Variants in CADPS2 observed in about 807,000 individuals in gnomAD.
CADPS2 encodes calcium-dependent secretion activator 2.
A neutral mutation model predicts 172.5 loss-of-function variants in CADPS2; 93 were observed. That is an observed-to-expected ratio of 0.54 (90% CI 0.46 to 0.64). CADPS2 has a LOEUF of 0.64. CADPS2 is among the 30% of genes least tolerant of loss of function. The pLI is 0.00. For missense variants in CADPS2, 1,420 were observed against 1,565.9 expected, an observed-to-expected ratio of 0.91 and a Z score of 1.57; for synonymous variants, 546 against 555.2, an observed-to-expected ratio of 0.98 and a Z score of 0.23.
At chr7:122,326,483 G>A (rs1024483762) in intron 28 of CADPS2, among the ~76,000 whole-genome samples, 4 of 152,064 alleles carry the variant, frequency 2.6e-5, no homozygotes, top group African/African-American at 9.7e-5. Flanking sequence ...GCTAGGTTTA[G>A]ATAACACTCT....
intron 27 of CADPS2, among the ~76,000 whole-genome samples, chr7:122,350,532 A>C (rs1303766165): frequency 6.6e-6 from 1 of 152,244 alleles, no homozygotes; most frequent in African/African-American, 2.4e-5. Context: ...ATTCATGATT[A>C]TGTTGTAAAA....
At chr7:122,570,877 C>G (rs548063179) in intron 7 of CADPS2, among the ~76,000 whole-genome samples, 1 of 152,084 alleles carries the variant, frequency 6.6e-6, no homozygotes, top group East Asian at 1.9e-4. Context: ...ACTCTGGAGA[C>G]TGTTGTGAGG....
intron 7 of CADPS2, among the ~76,000 whole-genome samples, chr7:122,574,445 T>TAAAAA (rs869077766): frequency 0.044 from 1,657 of 37,932 alleles, 224 homozygotes; most frequent in Non-Finnish European, 0.056. Flanking sequence ...GACCCTGTCT[T>TAAAAA]AAAAAAAAAA....
intron 7 of CADPS2, among the ~76,000 whole-genome samples, chr7:122,558,942 G>T (rs1177924494): frequency 6.6e-6 from 1 of 152,096 alleles, no homozygotes; most frequent in Non-Finnish European, 1.5e-5. Flanking sequence ...GGGGAGACAA[G>T]CTAGAAAAAC....
chr7:122,374,854 C>T (rs935824090), intron 25 of CADPS2, among the ~76,000 whole-genome samples: 3 of 152,076 alleles, frequency 2.0e-5, no homozygotes, highest in Non-Finnish European at 2.9e-5. Context: ...ACATGTATCC[C>T]AGAACTTAAA....
intron 2 of CADPS2, among the ~76,000 whole-genome samples, chr7:122,697,469 A>C (rs1335976263): frequency 6.6e-6 from 1 of 152,186 alleles, no homozygotes; most frequent in African/African-American, 2.4e-5. Context: ...AATAGAACCC[A>C]ATATATGTAC....
In CADPS2 at chr7:122,449,988, A is replaced by G. The variant is rs185932003; in HGVS notation, c.2288+1386T>C. ...GGGGAATAGATTTATAGTATATACTATGAGATTTTCTCCTTTCAATATCAT... is the reference window on the plus strand; with the variant it reads ...GGGGAATAGATTTATAGTATATACTGTGAGATTTTCTCCTTTCAATATCAT... On this transcript the variant is annotated intron_variant, in intron 15 of 29. Coordinates refer to ENST00000449022, the MANE Select transcript of CADPS2 (RefSeq NM_017954.11). Among the ~76,000 whole-genome samples the G allele has an allele frequency of 2.1e-3, 327 of 152,312 alleles. 1 individual carries two copies. The highest frequency in any genetic ancestry group is 2.9e-3 in the Non-Finnish European group (196 of 68,020).
chr7:122,579,342 A>T (rs1039518511), intron 7 of CADPS2, among the ~76,000 whole-genome samples: 13 of 151,540 alleles, frequency 8.6e-5, no homozygotes, highest in Non-Finnish European at 1.6e-4. Context: ...TGCTCAAAAC[A>T]TCAATAGTGC....
intron 27 of CADPS2, among the ~76,000 whole-genome samples, chr7:122,350,926 C>T (rs1490413954): frequency 6.6e-6 from 1 of 151,794 alleles, no homozygotes; most frequent in Non-Finnish European, 1.5e-5. Flanking sequence ...ACACTACTGC[C>T]CTCTAGCCTG....
At chr7:122,512,284 A>G (rs2060059101) in intron 9 of CADPS2, among the ~76,000 whole-genome samples, 1 of 152,072 alleles carries the variant, frequency 6.6e-6, no homozygotes, top group South Asian at 2.1e-4. Flanking sequence ...GCATTTTACT[A>G]TGTCATTCTG....
chr7:122,829,694 A>G (rs967714304), intron 1 of CADPS2, among the ~76,000 whole-genome samples: 2 of 152,172 alleles, frequency 1.3e-5, no homozygotes, highest in African/African-American at 4.8e-5. Flanking sequence ...GTGTTTTAGA[A>G]CCACTGTAAA....
At chr7:122,863,661 T>C (rs1400297570) in intron 1 of CADPS2, among the ~76,000 whole-genome samples, 1 of 152,246 alleles carries the variant, frequency 6.6e-6, no homozygotes, top group Non-Finnish European at 1.5e-5. Flanking sequence ...TATATGTAGC[T>C]GTGCAGACAA....
intron 1 of CADPS2, among the ~76,000 whole-genome samples, chr7:122,808,077 T>C (rs926557413): frequency 2.0e-5 from 3 of 152,204 alleles, no homozygotes; most frequent in Non-Finnish European, 2.9e-5. Flanking sequence ...TCTACTTCAA[T>C]ACAACTAATA....
intron 27 of CADPS2, among the ~76,000 whole-genome samples, chr7:122,360,474 G>A (rs1371347054): frequency 2.0e-5 from 3 of 152,126 alleles, no homozygotes; most frequent in African/African-American, 7.2e-5. Context: ...GGGAGGAAAA[G>A]CGAGCAGTTT....
At chr7:122,730,872 A>T (rs1377681569) in intron 2 of CADPS2, among the ~76,000 whole-genome samples, 5 of 151,740 alleles carry the variant, frequency 3.3e-5, no homozygotes, top group African/African-American at 1.2e-4. Context: ...ATAATATCAC[A>T]GTAGAAAATT....
At chr7:122,618,724 G>C (rs562313763) in intron 5 of CADPS2, among the ~76,000 whole-genome samples, 9 of 152,286 alleles carry the variant, frequency 5.9e-5, no homozygotes, top group South Asian at 4.1e-4. Flanking sequence ...GAGGAGCAAG[G>C]CTTGCTGAAA....
At position 122,448,004 on chromosome 7, in the gene CADPS2, T is replaced by C. The variant is rs183330219; in HGVS notation, c.2288+3370A>G. Among the ~76,000 whole-genome samples, 6 of 152,264 alleles carry C rather than the reference T, an allele frequency of 3.9e-5. No homozygotes were observed. The East Asian group carries it at 1.2e-3, about 29-fold the overall frequency. ...CTGTTAATAGAAACTATTGCTGGTATAGAATTCTAGGTTGGAAATGATAGT... is the reference window on the plus strand; with the variant it reads ...CTGTTAATAGAAACTATTGCTGGTACAGAATTCTAGGTTGGAAATGATAGT... On this transcript the variant is annotated intron_variant, in intron 15 of 29. Transcript: ENST00000449022.
chr7:122,706,548 A>G (rs1588612289), intron 2 of CADPS2, among the ~76,000 whole-genome samples: 2 of 147,874 alleles, frequency 1.4e-5, no homozygotes, highest in African/African-American at 4.9e-5. Flanking sequence ...TCAAAAAGTC[A>G]TTCTACCTAA....
chr7:122,743,589 T>C (rs777073308), intron 1 of CADPS2, among the ~76,000 whole-genome samples: 6 of 152,132 alleles, frequency 3.9e-5, no homozygotes, highest in Non-Finnish European at 8.8e-5. Flanking sequence ...CCTCCAGGAT[T>C]GGGGCATGGG....
Sources: allele counts gnomAD v4.1 joint callset (sites outside exome capture counted in the v4.1 genomes callset), GRCh38; gene constraint gnomAD v4.1.1; transcripts MANE v1.5; gene names NCBI Gene and HGNC (gene_info 2026-07-23, HGNC 2026-07-21).